NINJ2: variants seen among roughly 807,000 people sequenced by gnomAD.
NINJ2 encodes the protein ninjurin 2, also known as ninjurin-2.
In NINJ2, 12 loss-of-function variants were observed where a neutral mutation model predicts 11.7. The observed-to-expected ratio is 1.02, with a 90% CI of 0.66 to 1.66. NINJ2 has a LOEUF of 1.66. Among genes scored for constraint, NINJ2 ranks in the 40% most tolerant of loss-of-function variants. NINJ2 has a pLI of 0.00. For missense variants in NINJ2, 187 were observed against 181.8 expected (o/e 1.03, Z -0.16); for synonymous variants, 93 against 76.8 (o/e 1.21, Z -1.10).
intron 1 of NINJ2, among the ~76,000 whole-genome samples, chr12:605,197 T>C (rs1947926371): frequency 1.3e-5 from 2 of 152,208 alleles, no homozygotes; most frequent in Admixed American, 6.5e-5. Context: ...TCCCCACAGA[T>C]AGTCTGCAAA....
At chr12:643,915 C>T (rs924629901) in intron 1 of NINJ2, 1 of 155,040 alleles carries the variant, frequency 6.4e-6, no homozygotes, top group African/African-American at 2.4e-5. Context: ...CTTATAATAT[C>T]ACCTATTGCA....
At chr12:608,520 A>C (rs1265928813) in intron 1 of NINJ2, among the ~76,000 whole-genome samples, 1 of 152,240 alleles carries the variant, frequency 6.6e-6, no homozygotes, top group African/African-American at 2.4e-5. Flanking sequence ...TGAGACATTA[A>C]ATGAGATTAC....
chr12:611,253 CTCTCTTTCTT>C (rs1341855497), intron 1 of NINJ2, among the ~76,000 whole-genome samples: 8,434 of 83,940 alleles, frequency 0.1, 324 homozygotes, highest in Non-Finnish European at 0.13. Context: ...CTTTCTCTCT[CTCTCTTTCTT>C]TCTTTCTTTC....
intron 1 of NINJ2, among the ~76,000 whole-genome samples, chr12:568,370 C>T (rs1465992781): frequency 3.3e-5 from 5 of 152,212 alleles, no homozygotes; most frequent in African/African-American, 7.2e-5. Context: ...CTTCTCCTAA[C>T]GTTTGCCTTC....
intron 1 of NINJ2, among the ~76,000 whole-genome samples, chr12:651,244 G>C (rs771169978): frequency 1.3e-5 from 2 of 151,306 alleles, no homozygotes; most frequent in Non-Finnish European, 3.0e-5. Context: ...GCATTCTGTT[G>C]GTTCTTCTTA....
chr12:582,332 CGCAG>C (rs775682632), intron 1 of NINJ2, among the ~76,000 whole-genome samples: 35 of 108,648 alleles, frequency 3.2e-4, no homozygotes, highest in African/African-American at 1.1e-3. Flanking sequence ...AATGAATGGA[CGCAG>C]GCAGGCAGGC....
intron 1 of NINJ2, among the ~76,000 whole-genome samples, chr12:600,141 A>G (rs1947847930): frequency 6.6e-6 from 1 of 152,146 alleles, no homozygotes; most frequent in Admixed American, 6.6e-5. Flanking sequence ...TGAATTTCTC[A>G]GTGATCTTGG....
Position 620,437 on chromosome 12 carries a change from C to T in NINJ2, c.33+42891G>A, listed in dbSNP as rs548974953. Among the ~76,000 whole-genome samples the T allele has an allele frequency of 2.6e-5, 4 of 152,368 alleles. No homozygotes were observed. In the East Asian group the frequency reaches 5.8e-4, roughly 22 times the overall value. ...TTGCCTAGAGAACAAATAGATGATGCGTCTCACACATAAAGCCTGTGCTGT... is the reference window on the plus strand; with the variant it reads ...TTGCCTAGAGAACAAATAGATGATGTGTCTCACACATAAAGCCTGTGCTGT... On this transcript the variant is annotated intron_variant, in intron 1 of 3. Coordinates refer to ENST00000305108, the MANE Select transcript of NINJ2 (RefSeq NM_016533.6).
intron 1 of NINJ2, among the ~76,000 whole-genome samples, chr12:568,204 A>G (rs1947328436): frequency 1.3e-5 from 2 of 152,272 alleles, no homozygotes; most frequent in African/African-American, 4.8e-5. Context: ...TGAAAGGATT[A>G]CATAAAATTC....
chr12:657,989 T>A (rs1161908639), intron 1 of NINJ2, among the ~76,000 whole-genome samples: 1 of 23,226 alleles, frequency 4.3e-5, no homozygotes, highest in Non-Finnish European at 9.3e-5. Flanking sequence ...CTACACAGGC[T>A]TTTTTTTTTT....
intron 1 of NINJ2, among the ~76,000 whole-genome samples, chr12:638,010 C>T (rs1390577218): frequency 6.6e-6 from 1 of 152,220 alleles, no homozygotes; most frequent in Non-Finnish European, 1.5e-5. Flanking sequence ...AGGACCAGCA[C>T]CATTTGTGCT....
intron 1 of NINJ2, among the ~76,000 whole-genome samples, chr12:605,482 C>G (rs1296359438): frequency 6.6e-6 from 1 of 152,244 alleles, no homozygotes; most frequent in East Asian, 1.9e-4. Flanking sequence ...ATCGCTTGAG[C>G]CCAGGAGTTC....
chr12:594,116 T>C (rs564281932), intron 1 of NINJ2, among the ~76,000 whole-genome samples: 1 of 152,198 alleles, frequency 6.6e-6, no homozygotes, highest in Non-Finnish European at 1.5e-5. Context: ...AAAAAATGTA[T>C]ACAGATTGGG....
In NINJ2 at chr12:565,412, G is replaced by A; in HGVS notation, c.263-11C>T. On this transcript the variant is annotated splice_polypyrimidine_tract_variant and intron_variant, in intron 2 of 3. Transcript: ENST00000305108. Reference sequence around the variant, plus strand: ...TCAGGTTCAGCCGTGCTGCAGGGAAGTGGAGTGGGGGGAAAGGGTCAGAGA... The same window carrying A: ...TCAGGTTCAGCCGTGCTGCAGGGAAATGGAGTGGGGGGAAAGGGTCAGAGA... The A allele has an allele frequency of 6.2e-7, 1 of 1,613,114 alleles. No homozygotes were observed. Among genetic ancestry groups the A allele is most frequent in the Non-Finnish European group, 8.5e-7 (1 of 1,179,610 alleles).
chr12:660,524 A>G (rs1937944345), intron 1 of NINJ2, among the ~76,000 whole-genome samples: 1 of 151,858 alleles, frequency 6.6e-6, no homozygotes, highest in African/African-American at 2.4e-5. Context: ...TATTTTTAGT[A>G]GAGACAGGGT....
At chr12:637,171 A>G (rs1321978834) in intron 1 of NINJ2, among the ~76,000 whole-genome samples, 1 of 151,652 alleles carries the variant, frequency 6.6e-6, no homozygotes, top group Non-Finnish European at 1.5e-5. Flanking sequence ...CAACATGGTA[A>G]AACCCCGTCT....
chr12:609,627 C>G (rs1386436041), intron 1 of NINJ2, among the ~76,000 whole-genome samples: 1 of 151,814 alleles, frequency 6.6e-6, no homozygotes, highest in African/African-American at 2.4e-5. Context: ...AAAAATTAGC[C>G]GGGCGTGGTG....
intron 1 of NINJ2, among the ~76,000 whole-genome samples, chr12:634,433 G>A (rs1272159435): frequency 6.6e-6 from 1 of 151,746 alleles, no homozygotes; most frequent in East Asian, 1.9e-4. Flanking sequence ...CTAATTTTTT[G>A]TATTTTTAGT....
chr12:607,740 C>T (rs750621439), intron 1 of NINJ2, among the ~76,000 whole-genome samples: 1 of 152,158 alleles, frequency 6.6e-6, no homozygotes, highest in Non-Finnish European at 1.5e-5. Context: ...GAGGAGATAT[C>T]CTGTGTGAGC....
Sources: allele counts gnomAD v4.1 joint callset (sites outside exome capture counted in the v4.1 genomes callset), GRCh38; gene constraint gnomAD v4.1.1; transcripts MANE v1.5; gene names NCBI Gene and HGNC (gene_info 2026-07-23, HGNC 2026-07-21).